The following TTC28 variants were observed in gnomAD, a reference collection of about 807,000 sequenced individuals.
TTC28 encodes the protein tetratricopeptide repeat protein 28.
A neutral mutation model predicts 198.0 loss-of-function variants in TTC28; 61 were observed. The ratio of observed to expected loss-of-function variants is 0.31; its 90% CI spans 0.25 to 0.38. TTC28 has a LOEUF of 0.38. Ranked by LOEUF, TTC28 falls within the 10% of genes least tolerant of loss-of-function variation. The pLI is 1.00. For missense variants in TTC28, 2,678 were observed against 3,164.0 expected (o/e 0.85, Z 3.69); for synonymous variants, 1,171 against 1,297.8 (o/e 0.90, Z 2.10).
At chr22:28,266,490 C>T (rs1195432002) in intron 5 of TTC28, among the ~76,000 whole-genome samples, 1 of 152,174 alleles carries the variant, frequency 6.6e-6, no homozygotes, top group Non-Finnish European at 1.5e-5. Flanking sequence ...GGTTCAGCCT[C>T]GTTCCCTTGC....
At chr22:28,101,832 A>G (rs9306452) in intron 8 of TTC28, among the ~76,000 whole-genome samples, 9,657 of 150,890 alleles carry the variant, frequency 0.064, 385 homozygotes, top group South Asian at 0.088. Context: ...CAACACAGCT[A>G]GATAAAATGA....
At chr22:28,637,451 A>G (rs901647128) in intron 1 of TTC28, among the ~76,000 whole-genome samples, 1 of 152,208 alleles carries the variant, frequency 6.6e-6, no homozygotes, top group Non-Finnish European at 1.5e-5. Flanking sequence ...ATTGTGTATC[A>G]GCTTAAAATA....
chr22:28,162,737 C>T (rs575535992), intron 6 of TTC28, among the ~76,000 whole-genome samples: 85 of 152,218 alleles, frequency 5.6e-4, no homozygotes, highest in African/African-American at 2.0e-3. Flanking sequence ...TCGCTTGAGC[C>T]CAGGAGTTCG....
intron 5 of TTC28, among the ~76,000 whole-genome samples, chr22:28,234,666 G>A (rs561999092): frequency 5.3e-5 from 8 of 152,162 alleles, no homozygotes; most frequent in African/African-American, 1.7e-4. Context: ...AGCCACTAAC[G>A]CCCGGCCTCA....
At chr22:28,134,922 T>C (rs992115913) in intron 6 of TTC28, among the ~76,000 whole-genome samples, 3 of 152,234 alleles carry the variant, frequency 2.0e-5, no homozygotes, top group Non-Finnish European at 2.9e-5. Flanking sequence ...TCATAATTGC[T>C]CACTCATGCA....
In TTC28 at chr22:28,023,445, G is replaced by A. The variant is rs77692894; in HGVS notation, c.4073+6781C>T. Among the ~76,000 whole-genome samples, 1,431 of 152,356 alleles carry A rather than the reference G, an allele frequency of 9.4e-3. 26 individuals are homozygous for A. The highest frequency in any genetic ancestry group is 0.032 in the African/African-American group (1,333 of 41,574). On this transcript the variant is annotated intron_variant, in intron 13 of 22. Transcript: ENST00000397906. ...CCGAGCCAGGCAGTCATTGGGGTGG[G>A]CTTCTCAAGTGCTCAGGGATGGAGA...
At chr22:28,189,603 A>C (rs1924539832) in intron 5 of TTC28, among the ~76,000 whole-genome samples, 1 of 151,960 alleles carries the variant, frequency 6.6e-6, no homozygotes, top group Admixed American at 6.5e-5. Context: ...CTTCTGTGAA[A>C]TTTCAGGTCA....
intron 2 of TTC28, among the ~76,000 whole-genome samples, chr22:28,454,576 A>G (rs973482785): frequency 6.6e-6 from 1 of 152,212 alleles, no homozygotes; most frequent in Admixed American, 6.5e-5. Flanking sequence ...ATGTTTCTGA[A>G]AAGTAAGCAG....
intron 2 of TTC28, among the ~76,000 whole-genome samples, chr22:28,396,870 CAA>C (rs2046826678): frequency 6.6e-6 from 1 of 152,062 alleles, no homozygotes; most frequent in Non-Finnish European, 1.5e-5. Flanking sequence ...GAATGCTTCC[CAA>C]AAGAGGGCAC....
chr22:28,016,292 T>C (rs1938372924), intron 13 of TTC28, among the ~76,000 whole-genome samples: 1 of 152,140 alleles, frequency 6.6e-6, no homozygotes, highest in Non-Finnish European at 1.5e-5. Context: ...CTCACTTAAT[T>C]CCACAGAATA....
rs1379065064 is a variant in TTC28 at position 27,999,265 on chromosome 22, G to C, written c.4399-5C>G. ...CGGGTTCTTCCGTAAGTGAGACTAG[G>C]AGGGGAGGGGACAAAGCAGACCACC... On this transcript the variant is annotated splice_polypyrimidine_tract_variant and splice_region_variant and intron_variant, in intron 15 of 22. Transcript: ENST00000397906. 10 of 1,542,856 alleles carry C rather than the reference G, an allele frequency of 6.5e-6. No individual in the cohort carries two copies. In the Admixed American group the frequency reaches 2.0e-4, roughly 30 times the overall value.
intron 2 of TTC28, among the ~76,000 whole-genome samples, chr22:28,435,444 A>G (rs578199265): frequency 6.6e-6 from 1 of 152,372 alleles, no homozygotes; most frequent in East Asian, 1.9e-4. Flanking sequence ...ATAAAATGAC[A>G]TGGTTTTAGC....
chr22:28,443,571 T>C (rs2047657436), intron 2 of TTC28, among the ~76,000 whole-genome samples: 1 of 152,134 alleles, frequency 6.6e-6, no homozygotes, highest in South Asian at 2.1e-4. Flanking sequence ...GTTTAGATTT[T>C]TTTTTTTTTA....
chr22:28,567,719 G>C (rs1210151463), intron 2 of TTC28, among the ~76,000 whole-genome samples: 2 of 151,370 alleles, frequency 1.3e-5, no homozygotes, highest in South Asian at 2.1e-4. Context: ...GCTTGAGAAA[G>C]TATACCACCA....
chr22:28,499,671 T>C (rs1470104145), intron 2 of TTC28, among the ~76,000 whole-genome samples: 3 of 152,102 alleles, frequency 2.0e-5, no homozygotes, highest in East Asian at 1.9e-4. Context: ...TTGAAAGAAA[T>C]AGCGTGTGAA....
Position 28,629,631 on chromosome 22 carries a change from G to C in TTC28, c.302C>G (p.Ala101Gly). ...GTCATACTGCTGGATTTTCATGTAG[G>C]CTGCAGATCTATTGCTGTATAAGAT... ...NCILYSNRSA[A>G]YMKIQQYDKA... The change falls in exon 2 of 23, where the codon GCC (alanine) becomes GGC (glycine). Residue 101 changes from alanine to glycine, a missense_variant. Coordinates refer to ENST00000397906, the MANE Select transcript of TTC28 (RefSeq NM_001145418.2). The C allele has an allele frequency of 6.4e-7, 1 of 1,551,646 alleles. No individual in the cohort carries two copies. Among genetic ancestry groups the C allele is most frequent in the African/African-American group, 1.4e-5 (1 of 73,152 alleles).
chr22:28,277,921 A>C (rs1225552117), intron 5 of TTC28, among the ~76,000 whole-genome samples: 1 of 152,156 alleles, frequency 6.6e-6, no homozygotes, highest in East Asian at 1.9e-4. Flanking sequence ...GAATGACAGC[A>C]TCTTAGCCAC....
At chr22:28,604,522 T>C (rs1329942399) in intron 2 of TTC28, among the ~76,000 whole-genome samples, 6 of 151,510 alleles carry the variant, frequency 4.0e-5, no homozygotes, top group African/African-American at 1.5e-4. Context: ...AGCAAGCAGA[T>C]CATCTGAGGT....
At chr22:28,499,535 T>A (rs2048506433) in intron 2 of TTC28, among the ~76,000 whole-genome samples, 1 of 152,054 alleles carries the variant, frequency 6.6e-6, no homozygotes, top group Admixed American at 6.6e-5. Flanking sequence ...GAAAAAAAAA[T>A]GCAGATTTTA....
Sources: allele counts gnomAD v4.1 joint callset (sites outside exome capture counted in the v4.1 genomes callset), GRCh38; gene constraint gnomAD v4.1.1; transcripts MANE v1.5; gene names NCBI Gene and HGNC (gene_info 2026-07-23, HGNC 2026-07-21).